FER1L6: variants seen among roughly 807,000 people sequenced by gnomAD.
The protein encoded by FER1L6 is fer-1-like protein 6.
FER1L6 carries 177 observed loss-of-function variants against 219.2 expected under a neutral mutation model. That is an observed-to-expected ratio of 0.81 (90% CI 0.71 to 0.91). The LOEUF is 0.91. FER1L6 is among the 40% of genes least tolerant of loss of function. FER1L6 has a pLI of 0.00. For synonymous variants in FER1L6, 768 were observed against 824.3 expected (o/e 0.93, Z 1.17); for missense variants, 2,153 against 2,259.9 (o/e 0.95, Z 0.96).
At chr8:124,084,727 T>C (rs1821714755) in intron 33 of FER1L6, among the ~76,000 whole-genome samples, 1 of 152,290 alleles carries the variant, frequency 6.6e-6, no homozygotes, top group South Asian at 2.1e-4. Flanking sequence ...GATATTTGCC[T>C]ATAGTTTTCA....
intron 13 of FER1L6, 104 bp downstream of exon 13, chr8:124,003,451 CTTTTTTTTTTTTTT>C (rs71289633): frequency 0.044 from 4,878 of 111,938 alleles, 80 homozygotes; most frequent in Middle Eastern, 0.13. Flanking sequence ...CAGAAATGTC[CTTTTTTTTTTTTTT>C]TTTTTTTTTT....
chr8:124,011,825 A>G (rs1817947553), intron 14 of FER1L6, among the ~76,000 whole-genome samples: 1 of 152,108 alleles, frequency 6.6e-6, no homozygotes, highest in African/African-American at 2.4e-5. Flanking sequence ...ATCATACTTT[A>G]CAATATATTT....
intron 1 of FER1L6, among the ~76,000 whole-genome samples, chr8:123,895,224 A>G (rs1812724201): frequency 6.6e-6 from 1 of 152,212 alleles, no homozygotes; most frequent in African/African-American, 2.4e-5. Flanking sequence ...AATCTTCAAA[A>G]AATGTTTTGA....
chr8:124,119,114 A>C (rs1034596669), intron 40 of FER1L6, among the ~76,000 whole-genome samples, 170 bp downstream of exon 40: 1 of 152,246 alleles, frequency 6.6e-6, no homozygotes, highest in Admixed American at 6.5e-5. Flanking sequence ...AAAAAGCTAA[A>C]TATAAGACAT....
intron 32 of FER1L6, among the ~76,000 whole-genome samples, chr8:124,078,775 G>A (rs530116303): frequency 7.0e-4 from 107 of 151,800 alleles, no homozygotes; most frequent in Non-Finnish European, 8.2e-4. Flanking sequence ...TAGGGAGGAC[G>A]TGATGTGGCA....
chr8:123,993,060 G>A (rs1272730250), intron 12 of FER1L6, among the ~76,000 whole-genome samples: 3 of 151,696 alleles, frequency 2.0e-5, no homozygotes, highest in African/African-American at 7.3e-5. Flanking sequence ...GAAGATACTT[G>A]ATATGATTTC....
chr8:123,888,614 G>A (rs1212849437), intron 1 of FER1L6, among the ~76,000 whole-genome samples: 8 of 152,122 alleles, frequency 5.3e-5, no homozygotes, highest in African/African-American at 1.7e-4. Flanking sequence ...GGAGATTGGG[G>A]AGGTTTGGCC....
intron 5 of FER1L6, among the ~76,000 whole-genome samples, chr8:123,968,847 T>G (rs946323186): frequency 6.6e-6 from 1 of 152,210 alleles, no homozygotes; most frequent in African/African-American, 2.4e-5. Context: ...GCCATCGTCA[T>G]TTGGTCAGTT....
chr8:123,894,429 T>C (rs910837449), intron 1 of FER1L6, among the ~76,000 whole-genome samples: 1 of 152,224 alleles, frequency 6.6e-6, no homozygotes, highest in African/African-American at 2.4e-5. Flanking sequence ...TGGCTTTCTA[T>C]GCGGTGAGCA....
chr8:123,997,755 A>G (rs1274876462), intron 12 of FER1L6, among the ~76,000 whole-genome samples: 1 of 152,110 alleles, frequency 6.6e-6, no homozygotes, highest in African/African-American at 2.4e-5. Context: ...GTTGTCTTCA[A>G]GCTCACTAAT....
intron 1 of FER1L6, among the ~76,000 whole-genome samples, chr8:123,886,133 G>C (rs143809913): frequency 6.6e-6 from 1 of 152,092 alleles, no homozygotes; most frequent in Admixed American, 6.6e-5. Context: ...ATAATTGCTC[G>C]ATTCCTTATA....
intron 33 of FER1L6, among the ~76,000 whole-genome samples, chr8:124,089,070 C>T (rs1446582539): frequency 6.6e-6 from 1 of 152,174 alleles, no homozygotes. Context: ...AGGATTTGCA[C>T]AGGAATTTCA....
intron 5 of FER1L6, among the ~76,000 whole-genome samples, chr8:123,966,819 C>T (rs929411697): frequency 6.6e-6 from 1 of 152,180 alleles, no homozygotes; most frequent in East Asian, 1.9e-4. Context: ...CAGTAGCTCA[C>T]GCCTGTAATC....
chr8:123,961,301 C>T (rs1310858076), intron 2 of FER1L6, among the ~76,000 whole-genome samples: 2 of 152,070 alleles, frequency 1.3e-5, no homozygotes, highest in Non-Finnish European at 2.9e-5. Flanking sequence ...GCTTGGGCCC[C>T]ACCCAGACCT....
chr8:124,118,477 T>C (rs983592848), intron 39 of FER1L6, among the ~76,000 whole-genome samples: 1 of 152,220 alleles, frequency 6.6e-6, no homozygotes, highest in South Asian at 2.1e-4. Context: ...GAAGACAGAC[T>C]GTATCGGATT....
intron 1 of FER1L6, among the ~76,000 whole-genome samples, chr8:123,892,665 G>A (rs970755403): frequency 6.6e-6 from 1 of 152,102 alleles, no homozygotes; most frequent in African/African-American, 2.4e-5. Context: ...CCTATCAAAT[G>A]GTAAATGTTT....
At chr8:124,112,972 T>G (rs1823084029) in intron 39 of FER1L6, among the ~76,000 whole-genome samples, 1 of 152,194 alleles carries the variant, frequency 6.6e-6, no homozygotes, top group Non-Finnish European at 1.5e-5. Flanking sequence ...GAAAACTTGC[T>G]AATGGTTTGG....
At chr8:124,077,182 AAC>A (rs1821330069) in intron 32 of FER1L6, among the ~76,000 whole-genome samples, 1 of 152,222 alleles carries the variant, frequency 6.6e-6, no homozygotes, top group African/African-American at 2.4e-5. Context: ...GCAAAGCAGC[AAC>A]AGTGACACCT....
intron 12 of FER1L6, among the ~76,000 whole-genome samples, chr8:123,992,322 C>T (rs1170365280): frequency 6.8e-6 from 1 of 147,262 alleles, no homozygotes; most frequent in Admixed American, 6.9e-5. Context: ...GTGAATCCAT[C>T]TGGCCCTAGG....
Sources: gnomAD v4.1 joint callset for allele counts (sites outside exome capture counted in the v4.1 genomes callset) on GRCh38, gnomAD v4.1.1 for gene constraint, MANE v1.5 for transcripts, NCBI Gene and HGNC (gene_info 2026-07-23, HGNC 2026-07-21) for gene names.